Variants in SYNJ2 observed in about 807,000 individuals in gnomAD.
SYNJ2 encodes the protein synaptojanin 2.
Under a neutral mutation model 141.3 loss-of-function variants are expected in SYNJ2, and 116 were observed. The ratio of observed to expected loss-of-function variants is 0.82; its 90% CI spans 0.71 to 0.96. The LOEUF (loss-of-function observed/expected upper bound fraction) is 0.96, where lower values mean the gene tolerates loss of function less well. Ranked by LOEUF, SYNJ2 falls within the 40% of genes least tolerant of loss-of-function variation. SYNJ2 has a pLI of 0.00. For missense variants in SYNJ2, 1,873 were observed against 1,934.8 expected (o/e 0.97, Z 0.60); for synonymous variants, 745 against 777.7 (o/e 0.96, Z 0.70).
At chr6:158,005,514 C>T (rs1778035051) in intron 1 of SYNJ2, among the ~76,000 whole-genome samples, 1 of 151,944 alleles carries the variant, frequency 6.6e-6, no homozygotes, top group South Asian at 2.1e-4. Flanking sequence ...CCCACCCGCC[C>T]TTCTCTTGCT....
chr6:158,005,505 C>G (rs1191397080), intron 1 of SYNJ2, among the ~76,000 whole-genome samples: 1 of 152,050 alleles, frequency 6.6e-6, no homozygotes, highest in Non-Finnish European at 1.5e-5. Context: ...CTCACCCTCC[C>G]CACCCGCCCT....
chr6:158,029,149 G>A (rs1208861898), intron 3 of SYNJ2, 123 bp downstream of exon 3: 3 of 1,326,828 alleles, frequency 2.3e-6, no homozygotes, highest in African/African-American at 1.5e-5. Context: ...CACCTCTGGA[G>A]AGTTAGGACC....
chr6:158,003,213 T>C (rs1777926042), intron 1 of SYNJ2, among the ~76,000 whole-genome samples: 1 of 152,208 alleles, frequency 6.6e-6, no homozygotes, highest in African/African-American at 2.4e-5. Context: ...GGCTCTTTCA[T>C]GTGGCCTGGA....
Position 158,095,917 on chromosome 6 carries a change from C to A in SYNJ2, c.4044C>A (p.Val1348=). The A allele has an allele frequency of 6.2e-7, 1 of 1,614,140 alleles. No homozygotes were observed. Among genetic ancestry groups the A allele is most frequent in the Non-Finnish European group, 8.5e-7 (1 of 1,180,024 alleles). The change falls in exon 27 of 27, where the codon GTC becomes GTA. Residue 1348 remains valine (V), a synonymous_variant. Transcript: ENST00000355585. The part of the protein sequence containing the change: ...KSAPAAFHLQ[V]LQSNSQLLQG... ...CCCCCGCAGCCTTCCACCTGCAGGT[C>A]CTGCAGAGCAACAGCCAGCTTCTCC... is the stretch of plus-strand genomic sequence containing the variant.
At chr6:157,991,783 T>A (rs1317402391) in intron 1 of SYNJ2, among the ~76,000 whole-genome samples, 1 of 152,234 alleles carries the variant, frequency 6.6e-6, no homozygotes, top group African/African-American at 2.4e-5. Flanking sequence ...ATGCTCTGCA[T>A]TTTTTATGGG....
chr6:158,074,850 T>C, intron 16 of SYNJ2, 112 bp downstream of exon 16: 1 of 1,296,968 alleles, frequency 7.7e-7, no homozygotes. Flanking sequence ...TTTCACTGTT[T>C]CCAACATTGT....
chr6:158,024,328 G>C (rs1056288226), intron 2 of SYNJ2, among the ~76,000 whole-genome samples: 10 of 152,194 alleles, frequency 6.6e-5, no homozygotes, highest in African/African-American at 2.4e-4. Context: ...AAGAGGCTGA[G>C]GCAGTAAACC....
At chr6:158,085,549 T>C (rs1457010638) in intron 22 of SYNJ2, among the ~76,000 whole-genome samples, 1 of 152,168 alleles carries the variant, frequency 6.6e-6, no homozygotes, top group Non-Finnish European at 1.5e-5. Flanking sequence ...AGAACAGGGC[T>C]GAAAGTGGAT....
In SYNJ2 at chr6:158,064,882, C is replaced by T; in HGVS notation, c.1416C>T (p.Phe472=). 1 of 1,613,742 alleles carries T rather than the reference C, an allele frequency of 6.2e-7. No individual in the cohort carries two copies. The highest frequency in any genetic ancestry group is 1.7e-5 in the Admixed American group (1 of 59,972). ...RSMSRTIQSN[F]FDGVKQEAIK... The stretch of plus-strand genomic sequence containing the variant: ...TGTCTCGAACCATCCAGTCCAACTT[C>T]TTCGACGGGGTGAAGCAGGAGGCCA... Residue 472 remains phenylalanine (F), a synonymous_variant, in exon 11 of 27, where the codon TTC becomes TTT. Coordinates refer to ENST00000355585, the MANE Select transcript of SYNJ2 (RefSeq NM_003898.4).
intron 1 of SYNJ2, among the ~76,000 whole-genome samples, chr6:157,985,046 C>T (rs953575279): frequency 3.3e-5 from 5 of 152,248 alleles, no homozygotes; most frequent in African/African-American, 1.2e-4. Flanking sequence ...CTGATGACCA[C>T]AGGCGCTGCC....
chr6:157,985,160 G>A (rs906557728), intron 1 of SYNJ2, among the ~76,000 whole-genome samples: 2 of 150,980 alleles, frequency 1.3e-5, no homozygotes, highest in African/African-American at 5.0e-5. Flanking sequence ...CCTGGAGACA[G>A]GGGCTTGAAC....
Position 158,028,547 on chromosome 6 carries a change from G to C in SYNJ2, c.215-209G>C, listed in dbSNP as rs552659764. ...CCAGGGGATGCTGACTTGCTGGCCA[G>C]GGTCCCACACTTTGAGAAGCCCCGC... On this transcript the variant is annotated intron_variant, in intron 2 of 26. Transcript: ENST00000355585. The C allele has an allele frequency of 6.2e-4, 386 of 624,238 alleles. 1 individual carries two copies. Among genetic ancestry groups the C allele is most frequent in the Non-Finnish European group, 9.1e-4 (332 of 364,742 alleles). 38.7% of individuals were successfully genotyped at this position (624,238 alleles called of 1,614,324 possible).
At chr6:158,086,410 C>T (rs577554246) in intron 22 of SYNJ2, among the ~76,000 whole-genome samples, 3 of 152,274 alleles carry the variant, frequency 2.0e-5, no homozygotes, top group African/African-American at 7.2e-5. Context: ...TGGTCCTAGG[C>T]ACTGGCCACT....
intron 25 of SYNJ2, among the ~76,000 whole-genome samples, chr6:158,091,864 C>T (rs1187488480): frequency 6.6e-6 from 1 of 152,104 alleles, no homozygotes; most frequent in Non-Finnish European, 1.5e-5. Context: ...TGTACCATCC[C>T]CTTTTTATGA....
rs546016205 is a variant in SYNJ2, at chr6:158,073,440, C to T, written c.2134-1140C>T. ...CTCGAACTCCTGACATCAAGTGATCCGCCTGCCTCAGCCTCCCAAAGTGCT... is the reference window on the plus strand; with the variant it reads ...CTCGAACTCCTGACATCAAGTGATCTGCCTGCCTCAGCCTCCCAAAGTGCT... On this transcript the variant is annotated intron_variant, in intron 15 of 26. Coordinates refer to ENST00000355585, the MANE Select transcript of SYNJ2 (RefSeq NM_003898.4). Among the ~76,000 whole-genome samples the T allele has an allele frequency of 1.4e-4, 22 of 152,228 alleles. No homozygotes were observed. The South Asian group carries it at 4.4e-3, about 30-fold the overall frequency.
chr6:158,054,935 A>G, intron 5 of SYNJ2, 32 bp from the exon 6 acceptor site: 2 of 1,611,854 alleles, frequency 1.2e-6, no homozygotes, highest in Non-Finnish European at 1.7e-6. Context: ...CAGAGAAGGA[A>G]GAATCACTGT....
intron 1 of SYNJ2, among the ~76,000 whole-genome samples, chr6:157,989,537 G>C (rs1468974764): frequency 6.7e-6 from 1 of 148,358 alleles, no homozygotes; most frequent in African/African-American, 2.5e-5. Context: ...ACTTTTGATC[G>C]AGGAGGTTCC....
At chr6:158,060,992 G>A (rs1781186711) in intron 7 of SYNJ2, among the ~76,000 whole-genome samples, 1 of 152,276 alleles carries the variant, frequency 6.6e-6, no homozygotes, top group South Asian at 2.1e-4. Context: ...ATGGCCATCA[G>A]TCCTGCTGGA....
chr6:158,060,774 T>G (rs1172957486), intron 7 of SYNJ2, among the ~76,000 whole-genome samples: 1 of 152,248 alleles, frequency 6.6e-6, no homozygotes, highest in Non-Finnish European at 1.5e-5. Flanking sequence ...CCTTGAGTTG[T>G]GGCCCCTCCC....
Sources: allele counts gnomAD v4.1 joint callset (sites outside exome capture counted in the v4.1 genomes callset), GRCh38; gene constraint gnomAD v4.1.1; transcripts MANE v1.5; gene names NCBI Gene and HGNC (gene_info 2026-07-23, HGNC 2026-07-21).